The following ANKRD44 variants were observed in gnomAD, a reference collection of about 807,000 sequenced individuals.
ANKRD44 encodes the protein serine/threonine-protein phosphatase 6 regulatory ankyrin repeat subunit B.
A neutral mutation model predicts 116.0 loss-of-function variants in ANKRD44; 35 were observed. That is an observed-to-expected ratio of 0.30 (90% CI 0.23 to 0.40). ANKRD44 has a LOEUF of 0.40. Among genes scored for constraint, ANKRD44 ranks in the 10% least tolerant of loss-of-function variants. The pLI is 1.00. For synonymous variants in ANKRD44, 435 were observed against 461.8 expected, an observed-to-expected ratio of 0.94 and a Z score of 0.74; for missense variants, 1,014 against 1,242.6, an observed-to-expected ratio of 0.82 and a Z score of 2.77.
chr2:197,167,119 C>T (rs1018966781), intron 2 of ANKRD44, among the ~76,000 whole-genome samples: 1 of 151,986 alleles, frequency 6.6e-6, no homozygotes, highest in Non-Finnish European at 1.5e-5. Flanking sequence ...AAAATCAAGC[C>T]TCCTCAGGTG....
At chr2:197,100,031 T>C (rs2078253191) in intron 9 of ANKRD44, 101 bp from the exon 10 acceptor site, 3 of 1,082,014 alleles carry the variant, frequency 2.8e-6, no homozygotes, top group East Asian at 4.9e-5. Flanking sequence ...TTGATTTCTT[T>C]CCTATTCCAG....
chr2:196,986,088 A>C (rs2075834833), downstream of ANKRD44, among the ~76,000 whole-genome samples: 1 of 152,224 alleles, frequency 6.6e-6, no homozygotes, highest in Admixed American at 6.5e-5. Context: ...GAGCAAACAC[A>C]AGTTCAGTCA....
intron 23 of ANKRD44, 126 bp from the exon 24 acceptor site, chr2:196,999,178 A>G: frequency 8.9e-7 from 1 of 1,122,842 alleles, no homozygotes; most frequent in Non-Finnish European, 1.3e-6. Flanking sequence ...AGACATAGTG[A>G]TCAGGTCCCC....
chr2:197,005,008 G>A (rs1167576834), intron 21 of ANKRD44, among the ~76,000 whole-genome samples: 1 of 151,870 alleles, frequency 6.6e-6, no homozygotes, highest in Admixed American at 6.6e-5. Flanking sequence ...ATTATAGAAT[G>A]GCTGCTATTT....
chr2:197,158,135 C>T (rs963526849), intron 2 of ANKRD44, among the ~76,000 whole-genome samples: 6 of 152,188 alleles, frequency 3.9e-5, no homozygotes, highest in Admixed American at 3.9e-4. Context: ...TACAACCACC[C>T]ACTGCCAAGA....
At chr2:196,983,995 C>T (rs1342862107), downstream of ANKRD44, among the ~76,000 whole-genome samples, 1 of 152,184 alleles carries the variant, frequency 6.6e-6, no homozygotes, top group Non-Finnish European at 1.5e-5. Flanking sequence ...AATACATAAC[C>T]AGGGCACATG....
At chr2:197,091,721 C>T (rs2078047095) in intron 10 of ANKRD44, among the ~76,000 whole-genome samples, 1 of 152,146 alleles carries the variant, frequency 6.6e-6, no homozygotes, top group Non-Finnish European at 1.5e-5. Context: ...AAGCACTTTG[C>T]TAGGAGTTAA....
intron 2 of ANKRD44, among the ~76,000 whole-genome samples, chr2:197,153,912 T>C (rs934859526): frequency 6.6e-6 from 1 of 152,038 alleles, no homozygotes; most frequent in African/African-American, 2.4e-5. Context: ...TAGGTTGTTT[T>C]TAATTCTTCA....
intron 1 of ANKRD44, among the ~76,000 whole-genome samples, chr2:197,291,980 A>G (rs1485856821): frequency 6.6e-6 from 1 of 152,168 alleles, no homozygotes; most frequent in Non-Finnish European, 1.5e-5. Context: ...ACCTCCATCC[A>G]TGTCCCTGCA....
intron 16 of ANKRD44, among the ~76,000 whole-genome samples, chr2:197,055,306 C>T (rs1372605299): frequency 6.6e-6 from 1 of 152,000 alleles, no homozygotes; most frequent in Non-Finnish European, 1.5e-5. Flanking sequence ...TTCTTATTGG[C>T]TTTTAAGGTT....
chr2:197,130,617 T>C (rs1334757103), intron 4 of ANKRD44, among the ~76,000 whole-genome samples: 3 of 152,240 alleles, frequency 2.0e-5, no homozygotes, highest in African/African-American at 7.2e-5. Flanking sequence ...TACATTCTAA[T>C]AGATTATAAA....
chr2:197,235,218 T>C (rs950929136), intron 1 of ANKRD44, among the ~76,000 whole-genome samples: 1 of 152,368 alleles, frequency 6.6e-6, no homozygotes, highest in African/African-American at 2.4e-5. Context: ...CTAAATAGAT[T>C]GATATTGCTA....
downstream of ANKRD44, among the ~76,000 whole-genome samples, chr2:196,982,104 A>G (rs1490267044): frequency 2.0e-4 from 22 of 112,042 alleles, no homozygotes; most frequent in African/African-American, 7.0e-4. Context: ...AATACTAAAA[A>G]AAATTATATA....
intron 4 of ANKRD44, 101 bp from the exon 5 acceptor site, chr2:197,126,138 G>T (rs1328914240): frequency 3.3e-6 from 4 of 1,199,126 alleles, no homozygotes; most frequent in Admixed American, 3.9e-5. Flanking sequence ...GGAGAGAAAG[G>T]CTCCCCAACC....
At chr2:196,975,492 C>T (rs551879452) in intron 21 of ANKRD44, among the ~76,000 whole-genome samples, 2 of 152,194 alleles carry the variant, frequency 1.3e-5, no homozygotes, top group Admixed American at 6.5e-5. Flanking sequence ...AAGAAAAATA[C>T]GTCAAAAGGG....
chr2:197,120,780 A>G (rs1017398445), intron 8 of ANKRD44, among the ~76,000 whole-genome samples: 1 of 152,204 alleles, frequency 6.6e-6, no homozygotes, highest in African/African-American at 2.4e-5. Flanking sequence ...TATCAGCTCA[A>G]CATTCACCTC....
intron 2 of ANKRD44, among the ~76,000 whole-genome samples, chr2:197,170,190 CAAAAAAAAA>C (rs71012960): frequency 0.059 from 7,037 of 119,888 alleles, 632 homozygotes; most frequent in African/African-American, 0.22. Flanking sequence ...ACCCTGTTTC[CAAAAAAAAA>C]AAAAAAAAAA....
At chr2:197,248,043 C>T (rs1445134340) in intron 1 of ANKRD44, among the ~76,000 whole-genome samples, 1 of 152,186 alleles carries the variant, frequency 6.6e-6, no homozygotes, top group Non-Finnish European at 1.5e-5. Context: ...AAAAAACTAC[C>T]CAAGCAGCAC....
At chr2:197,081,211 G>A (rs1296854161) in intron 15 of ANKRD44, among the ~76,000 whole-genome samples, 1 of 152,180 alleles carries the variant, frequency 6.6e-6, no homozygotes, top group Non-Finnish European at 1.5e-5. Context: ...TGTGGGCTGG[G>A]GGTGAGGGGA....
Sources: allele counts gnomAD v4.1 joint callset (sites outside exome capture counted in the v4.1 genomes callset), GRCh38; gene constraint gnomAD v4.1.1; transcripts MANE v1.5; gene names NCBI Gene and HGNC (gene_info 2026-07-23, HGNC 2026-07-21).